The following TTC34 variants were observed in gnomAD, a reference collection of about 807,000 sequenced individuals.
The protein encoded by TTC34 is tetratricopeptide repeat protein 34.
Under a neutral mutation model 40.7 loss-of-function variants are expected in TTC34, and 44 were observed. The observed-to-expected ratio is 1.08, with a 90% CI of 0.85 to 1.39. The LOEUF is 1.39. TTC34 is among the 40% of genes most tolerant of loss of function. The pLI is 0.00. For missense variants in TTC34, 884 were observed against 838.0 expected (o/e 1.05, Z -0.68); for synonymous variants, 422 against 398.6 (o/e 1.06, Z -0.70).
exon 8 of TTC34, chr1:2,644,412 G>A (rs1400701286): frequency 1.3e-6 from 2 of 1,536,022 alleles, no homozygotes; most frequent in Non-Finnish European, 1.7e-6. Context: ...CCGGGCCCGG[G>A]CTGCCTCTGA....
rs567266267 is a variant in TTC34 at position 2,691,626 on chromosome 1, C to T, written c.2227-46063G>A. Among the ~76,000 whole-genome samples the T allele has an allele frequency of 4.1e-5, 5 of 122,250 alleles. 1 individual carries two copies. The highest frequency in any genetic ancestry group is 5.8e-5 in the African/African-American group (2 of 34,720). The allele number at this position is 122,250 out of a possible 152,430, so 80.2% of individuals were successfully genotyped here. A position where few individuals can be genotyped will look rare whatever the true frequency, so the allele number is the denominator to read the frequency against. Reference sequence around the variant, plus strand: ...CAGCCTGGAACAGCACCCTGCACCCCCAGGTGCGCACGTGACAGCCTGGAA... The same window carrying T: ...CAGCCTGGAACAGCACCCTGCACCCTCAGGTGCGCACGTGACAGCCTGGAA... On this transcript the variant is annotated intron_variant, in intron 6 of 8. Transcript: ENST00000401095.
At position 2,755,664 on chromosome 1, in the gene TTC34, C is replaced by G. The variant is rs1399573420; in HGVS notation, c.2226+27945G>C. ...GATGGTCTGGAGCAGCACCCACAAC[C>G]ACAGGTGAGCATCTGACATCGTGGA... On this transcript the variant is annotated intron_variant, in intron 6 of 8. Coordinates refer to ENST00000401095, the Ensembl canonical transcript of TTC34. Among the ~76,000 whole-genome samples, 2 of 120,538 alleles carry G rather than the reference C, an allele frequency of 1.7e-5. 1 individual carries two copies. 79.1% of individuals were successfully genotyped at this position (120,538 alleles called of 152,430 possible). A position where few individuals can be genotyped will look rare whatever the true frequency, so the allele number is the denominator to read the frequency against.
intron 6 of TTC34, among the ~76,000 whole-genome samples, chr1:2,749,543 CGCAAAT>C: frequency 4.0e-5 from 1 of 24,830 alleles, no homozygotes; most frequent in South Asian, 2.2e-3. Context: ...AGCATCTGAA[CGCAAAT>C]AGCAGCACCC....
intron 6 of TTC34, among the ~76,000 whole-genome samples, chr1:2,683,429 TC>T (rs1640170544): frequency 1.4e-5 from 1 of 71,710 alleles, no homozygotes; most frequent in Non-Finnish European, 3.1e-5. Context: ...ACACCACCCT[TC>T]ACCCCCAGGT....
At chr1:2,783,827 C>T (rs4648390) in intron 5 of TTC34, 52 bp from the exon 6 acceptor site, 251,209 of 1,382,510 alleles carry the variant, frequency 0.18, 26,584 homozygotes, top group East Asian at 0.46. Context: ...GTCCCTTCCC[C>T]AGCATCTATC....
intron 6 of TTC34, among the ~76,000 whole-genome samples, chr1:2,691,491 C>T (rs1206818102): frequency 9.6e-6 from 1 of 104,702 alleles, no homozygotes; most frequent in Admixed American, 9.9e-5. Context: ...TGGTCTGGAG[C>T]AGCACCCAAA....
rs1171166461 is a variant in TTC34, at chr1:2,752,233, T to A, written c.2226+31376A>T. ...ACCCCCAGGTGAGCATCTGACAGAC[T>A]GGAACAGCTCCCAAATGCCCAGCTG... On this transcript the variant is annotated intron_variant, in intron 6 of 8. Coordinates refer to ENST00000401095, the Ensembl canonical transcript of TTC34. Among the ~76,000 whole-genome samples the A allele has an allele frequency of 3.5e-5, 4 of 112,818 alleles. 1 individual carries two copies. The highest frequency in any genetic ancestry group is 6.9e-5 in the Non-Finnish European group (4 of 57,750). 74.0% of individuals were successfully genotyped at this position (112,818 alleles called of 152,430 possible).
intron 6 of TTC34, among the ~76,000 whole-genome samples, chr1:2,688,413 C>T (rs1196932908): frequency 6.6e-6 from 1 of 150,608 alleles, no homozygotes; most frequent in Non-Finnish European, 1.5e-5. Flanking sequence ...CCCACACCCC[C>T]AGGTGAGCAT....
At chr1:2,761,335 T>G (rs1442211267) in intron 6 of TTC34, among the ~76,000 whole-genome samples, 7 of 14,002 alleles carry the variant, frequency 5.0e-4, no homozygotes, top group Admixed American at 1.4e-3. Context: ...CCCAGGTGAG[T>G]ATCTGACAGC....
chr1:2,751,152 G>C (rs1334469187), intron 6 of TTC34, among the ~76,000 whole-genome samples: 1 of 44,606 alleles, frequency 2.2e-5, no homozygotes, highest in African/African-American at 1.2e-4. Context: ...CTGACACCCT[G>C]GAGCAGCACG....
exon 9 of TTC34, chr1:2,641,742 C>A (rs1381287363): frequency 2.6e-6 from 4 of 1,535,384 alleles, no homozygotes; most frequent in Non-Finnish European, 3.5e-6. Context: ...TCCCTAAGGG[C>A]CCGGCCAAAC....
At chr1:2,750,625 A>T (rs1641286483) in intron 6 of TTC34, among the ~76,000 whole-genome samples, 1 of 152,012 alleles carries the variant, frequency 6.6e-6, no homozygotes, top group African/African-American at 2.4e-5. Flanking sequence ...AGCATCTGAC[A>T]GCCTGGAGCA....
intron 6 of TTC34, among the ~76,000 whole-genome samples, chr1:2,752,597 G>A (rs1641361006): frequency 1.2e-5 from 1 of 82,792 alleles, no homozygotes; most frequent in South Asian, 3.8e-4. Flanking sequence ...CTGACAACCT[G>A]GAACAGGACA....
In TTC34 at chr1:2,749,338, T is replaced by G. The variant is rs1382630252; in HGVS notation, c.2226+34271A>C. ...GAACCCACACCCACAGGTGAGCATC[T>G]GACAGACTGGAACAGCACCCACATG... On this transcript the variant is annotated intron_variant, in intron 6 of 8. Transcript: ENST00000401095. Among the ~76,000 whole-genome samples, 2 of 79,008 alleles carry G rather than the reference T, an allele frequency of 2.5e-5. 1 individual carries two copies. The highest frequency in any genetic ancestry group is 1.9e-4 in the African/African-American group (2 of 10,414). 51.8% of individuals were successfully genotyped at this position (79,008 alleles called of 152,430 possible).
At chr1:2,777,750 C>T (rs1363452491) in intron 6 of TTC34, among the ~76,000 whole-genome samples, 4 of 149,850 alleles carry the variant, frequency 2.7e-5, no homozygotes, top group Admixed American at 6.7e-5. Flanking sequence ...CATGACGGGG[C>T]GAGGGCCTGC....
rs529711413 is a variant in TTC34, at chr1:2,691,745, C to G, written c.2227-46182G>C. ...GACAGCCTGGAGCAGCACCCACATT[C>G]CCAGGCAAGCATCTGAACGCAAATA... On this transcript the variant is annotated intron_variant, in intron 6 of 8. Coordinates refer to ENST00000401095, the Ensembl canonical transcript of TTC34. 4.8e-5 allele frequency among the ~76,000 whole-genome samples: 5 copies of G among 103,224 alleles called. 2 individuals carry two copies. In the East Asian group the frequency reaches 1.4e-3, roughly 28 times the overall value. The allele number at this position is 103,224 out of a possible 152,430, so 67.7% of individuals were successfully genotyped here.
chr1:2,700,445 A>AC lies in TTC34; in HGVS notation c.2227-54883dup, dbSNP rs1396907734. The stretch of plus-strand genomic sequence containing the variant: ...CGAGCATCCGACAGCCTGGAGCAGC[A>AC]CCTACACCCCCAGGTGAGCATCCGA... On this transcript the variant is annotated intron_variant, in intron 6 of 8. Coordinates refer to ENST00000401095, the Ensembl canonical transcript of TTC34. Among the ~76,000 whole-genome samples, 3 of 103,324 alleles carry AC rather than the reference A, an allele frequency of 2.9e-5. 1 individual carries two copies. The highest frequency in any genetic ancestry group is 6.9e-5 in the Non-Finnish European group (3 of 43,206). 67.8% of individuals were successfully genotyped at this position (103,324 alleles called of 152,430 possible). A position where few individuals can be genotyped will look rare whatever the true frequency, so the allele number is the denominator to read the frequency against.
intron 6 of TTC34, among the ~76,000 whole-genome samples, chr1:2,685,833 C>G (rs1640311801): frequency 2.7e-5 from 4 of 150,188 alleles, no homozygotes; most frequent in Non-Finnish European, 6.0e-5. Context: ...GGAACGGCAC[C>G]CCCATGCCCA....
chr1:2,671,884 T>A (rs371983545), intron 6 of TTC34, among the ~76,000 whole-genome samples: 4,783 of 130,126 alleles, frequency 0.037, no homozygotes, highest in Non-Finnish European at 0.055. Context: ...CAGGCGAGCA[T>A]CTGACCGAAC....
Sources: allele counts gnomAD v4.1 joint callset (sites outside exome capture counted in the v4.1 genomes callset), GRCh38; gene constraint gnomAD v4.1.1; transcripts MANE v1.5; gene names NCBI Gene and HGNC (gene_info 2026-07-23, HGNC 2026-07-21).